Variants in EMB observed in about 807,000 individuals in gnomAD.
EMB encodes embigin, also known as embigin homolog.
A neutral mutation model predicts 41.4 loss-of-function variants in EMB; 31 were observed. The ratio of observed to expected loss-of-function variants is 0.75; its 90% CI spans 0.56 to 1.01. The LOEUF is 1.01. EMB is among the 50% of genes least tolerant of loss of function. The probability of loss-of-function intolerance (pLI) is 0.00; values close to 1 mark genes in which losing one functional copy is unlikely to be tolerated. For missense variants in EMB, 379 were observed against 388.3 expected, an observed-to-expected ratio of 0.98 and a Z score of 0.20; for synonymous variants, 137 against 140.4, an observed-to-expected ratio of 0.98 and a Z score of 0.17.
At chr5:50,412,068 C>T (rs1745347872) in intron 2 of EMB, 1 of 152,008 alleles carries the variant, frequency 6.6e-6, no homozygotes, top group African/African-American at 2.4e-5. Context: ...CATAAGAACA[C>T]TTAACATTAG....
At chr5:50,439,099 G>C (rs1038711616) in intron 1 of EMB, among the ~76,000 whole-genome samples, 1 of 151,568 alleles carries the variant, frequency 6.6e-6, no homozygotes, top group Non-Finnish European at 1.5e-5. Flanking sequence ...TGAATCCCAA[G>C]CCAAATGAAC....
chr5:50,410,432 C>T (rs1018417621), intron 4 of EMB, among the ~76,000 whole-genome samples: 1 of 151,986 alleles, frequency 6.6e-6, no homozygotes. Flanking sequence ...AGTAGGCAAC[C>T]GTTTGTGCAT....
In EMB at chr5:50,399,839, A is replaced by G. The variant is rs776568570; in HGVS notation, c.966+20T>C. The G allele has an allele frequency of 6.4e-7, 1 of 1,572,478 alleles. No individual in the cohort carries two copies. Among genetic ancestry groups the G allele is most frequent in the Non-Finnish European group, 8.7e-7 (1 of 1,149,858 alleles). ...TTGAATTTGACCTTTTATTTGGAAT[A>G]TCATTCAGAAGTAACTTACATTTTT... On this transcript the variant is annotated intron_variant, in intron 8 of 8. Transcript: ENST00000303221.
intron 2 of EMB, chr5:50,411,660 TAG>T (rs1745340484): frequency 5.6e-6 from 1 of 177,434 alleles, no homozygotes; most frequent in East Asian, 1.2e-4. Flanking sequence ...GAATATAGGG[TAG>T]AGAGTACCCT....
At chr5:50,434,237 A>C (rs1025659052) in intron 1 of EMB, among the ~76,000 whole-genome samples, 1 of 152,220 alleles carries the variant, frequency 6.6e-6, no homozygotes, top group African/African-American at 2.4e-5. Context: ...CACGACAAAG[A>C]ATTATCCAGC....
Position 50,415,035 on chromosome 5 carries a change from G to A in EMB, c.197-3652C>T, listed in dbSNP as rs193275766. ...TATTTTACAGCTCCAGGTGTCTACGGAGCATCTAAATCTGGATATCCCATG... is the reference window on the plus strand; with the variant it reads ...TATTTTACAGCTCCAGGTGTCTACGAAGCATCTAAATCTGGATATCCCATG... On this transcript the variant is annotated intron_variant, in intron 2 of 8. Coordinates refer to ENST00000303221, the MANE Select transcript of EMB (RefSeq NM_198449.3). Among the ~76,000 whole-genome samples the A allele has an allele frequency of 5.9e-5, 9 of 152,120 alleles. No homozygotes were observed. The East Asian group carries it at 1.7e-3, about 29-fold the overall frequency.
chr5:50,411,552 T>C (rs1676994829), intron 2 of EMB, 169 bp from the exon 3 acceptor site: 1 of 506,176 alleles, frequency 2.0e-6, no homozygotes, highest in South Asian at 3.6e-5. Flanking sequence ...TTATTCCCTT[T>C]TATATGCACA....
In EMB at chr5:50,397,408, T is replaced by C. The variant is rs1034298108; in HGVS notation, c.*1865A>G. 1.3e-5 allele frequency: 2 copies of C among 152,126 alleles called. No individual in the cohort carries two copies. The highest frequency in any genetic ancestry group is 4.8e-5 in the African/African-American group (2 of 41,428). The allele number at this position is 152,126 out of a possible 1,614,324, so 9.4% of individuals were successfully genotyped here. The stretch of plus-strand genomic sequence containing the variant: ...TGCCAATTAAAAACTCCATTTACTA[T>C]AGAAATATTCCTGATTATTTTACCT... On this transcript the variant is annotated 3_prime_UTR_variant, in exon 9 of 9. Transcript: ENST00000303221.
chr5:50,405,003 G>A (rs1455250596), intron 5 of EMB, among the ~76,000 whole-genome samples: 2 of 151,866 alleles, frequency 1.3e-5, no homozygotes, highest in Non-Finnish European at 2.9e-5. Context: ...GACTTTAATT[G>A]TAATGCTTCT....
Position 50,441,167 on chromosome 5 carries a change from G to C in EMB, c.-16C>G. ...GGGCGCGCATGGCGCCAGAGGGTCCGCCTGGGTCCTCGTGGAGACTGCTCC... is the reference window on the plus strand; with the variant it reads ...GGGCGCGCATGGCGCCAGAGGGTCCCCCTGGGTCCTCGTGGAGACTGCTCC... On this transcript the variant is annotated 5_prime_UTR_variant, in exon 1 of 9. Coordinates refer to ENST00000303221, the MANE Select transcript of EMB (RefSeq NM_198449.3). 1 of 1,443,980 alleles carries C rather than the reference G, an allele frequency of 6.9e-7. No homozygotes were observed. Among genetic ancestry groups the C allele is most frequent in the Admixed American group, 2.3e-5 (1 of 43,596 alleles). The allele number at this position is 1,443,980 out of a possible 1,614,324, so 89.4% of individuals were successfully genotyped here.
intron 2 of EMB, among the ~76,000 whole-genome samples, chr5:50,427,602 G>A (rs1282988677): frequency 1.3e-5 from 2 of 151,894 alleles, no homozygotes; most frequent in African/African-American, 4.8e-5. Context: ...TCCAACTCCT[G>A]GGTTCAAGTG....
At chr5:50,423,549 T>C (rs1201584868) in intron 2 of EMB, among the ~76,000 whole-genome samples, 1 of 152,224 alleles carries the variant, frequency 6.6e-6, no homozygotes, top group Non-Finnish European at 1.5e-5. Context: ...TTAGCTCTGT[T>C]AGGGACTGTG....
At chr5:50,440,622 C>G (rs567262583) in intron 1 of EMB, among the ~76,000 whole-genome samples, 3 of 151,504 alleles carry the variant, frequency 2.0e-5, no homozygotes, top group Admixed American at 6.6e-5. Flanking sequence ...GCCTTACTCT[C>G]GAATCAAGAA....
rs149560620 is a variant in EMB, at chr5:50,420,988, A to G, written c.196+7156T>C. 6.6e-5 allele frequency among the ~76,000 whole-genome samples: 10 copies of G among 152,342 alleles called. No individual in the cohort carries two copies. The East Asian group carries it at 1.9e-3, about 29-fold the overall frequency. On this transcript the variant is annotated intron_variant, in intron 2 of 8. Coordinates refer to ENST00000303221, the MANE Select transcript of EMB (RefSeq NM_198449.3). ...AGTACTTTTATATGCTATATGTGAT[A>G]TAGAGGGGATTTAAAATTACTAATC...
chr5:50,410,879 T>G lies in EMB; in HGVS notation c.470A>C (p.Lys157Thr). 6.3e-7 allele frequency: 1 copy of G among 1,583,538 alleles called. No homozygotes were observed. The highest frequency in any genetic ancestry group is 1.2e-5 in the South Asian group (1 of 86,532). Residue 157 changes from lysine (K) to threonine (T), a missense_variant and splice_region_variant, in exon 4 of 9, where the codon AAA becomes ACA. Lys to Thr is a moderately conservative substitution (Grantham distance 78). Coordinates refer to ENST00000303221, the MANE Select transcript of EMB (RefSeq NM_198449.3). ...EKEQRGTFNF[K>T]VPELHGKNKP... ...TTCCTCAAGTTATTAATACTGACCT[T>G]TGAAATTAAATGTTCCCCTTTGTTC... is the stretch of plus-strand genomic sequence containing the variant.
Position 50,403,376 on chromosome 5 carries a change from G to T in EMB, c.679C>A (p.Leu227Ile), listed in dbSNP as rs1258746877. ...TAAGATTCCCCATCTTCCTCCAAAA[G>T]TTGTGTTATCTTCAGCTTTGTTTCG... ...ANETKLKITQ[L>I]LEEDGESYWC... The change falls in exon 6 of 9, where the codon CTT becomes ATT. Residue 227 changes from leucine (L) to isoleucine (I), a missense_variant. Transcript: ENST00000303221. 3 of 1,612,466 alleles carry T rather than the reference G, an allele frequency of 1.9e-6. No homozygotes were observed. Among genetic ancestry groups the T allele is most frequent in the Non-Finnish European group, 2.5e-6 (3 of 1,179,142 alleles).
At chr5:50,412,590 C>T (rs1258705124) in intron 2 of EMB, among the ~76,000 whole-genome samples, 11 of 151,840 alleles carry the variant, frequency 7.2e-5, no homozygotes, top group Admixed American at 7.2e-4. Context: ...TTCTCTCCTC[C>T]TCTCCTTACC....
At chr5:50,405,421 C>T (rs1006234645) in intron 5 of EMB, among the ~76,000 whole-genome samples, 2 of 151,800 alleles carry the variant, frequency 1.3e-5, no homozygotes, top group African/African-American at 4.8e-5. Context: ...TATTTCTAAA[C>T]TAGGCAACTA....
intron 1 of EMB, among the ~76,000 whole-genome samples, chr5:50,439,349 T>C (rs1319466958): frequency 6.6e-6 from 1 of 152,064 alleles, no homozygotes; most frequent in East Asian, 1.9e-4. Context: ...TTTTGCACTG[T>C]CACCCAGGCT....
Sources: gnomAD v4.1 joint callset for allele counts (sites outside exome capture counted in the v4.1 genomes callset) on GRCh38, gnomAD v4.1.1 for gene constraint, MANE v1.5 for transcripts, NCBI Gene and HGNC (gene_info 2026-07-23, HGNC 2026-07-21) for gene names.